RAD51B: variants seen among roughly 807,000 people sequenced by gnomAD.
The protein encoded by RAD51B is DNA repair protein RAD51 homolog 2.
A neutral mutation model predicts 42.2 loss-of-function variants in RAD51B; 38 were observed. The observed-to-expected ratio is 0.90, with a 90% CI of 0.70 to 1.18. The LOEUF (loss-of-function observed/expected upper bound fraction) is 1.18. Among genes scored for constraint, RAD51B ranks in the 50% most tolerant of loss-of-function variants. The probability of loss-of-function intolerance (pLI) is 0.00; values close to 1 mark genes in which losing one functional copy is unlikely to be tolerated. For synonymous variants in RAD51B, 154 were observed against 145.2 expected (o/e 1.06, Z -0.43); for missense variants, 373 against 400.7 (o/e 0.93, Z 0.59).
intron 10 of RAD51B, among the ~76,000 whole-genome samples, chr14:68,468,885 A>G (rs1189145548): frequency 6.6e-6 from 1 of 152,206 alleles, no homozygotes; most frequent in East Asian, 1.9e-4. Flanking sequence ...CTGATCTACA[A>G]TGGTGATTCA....
At position 68,239,426 on chromosome 14, in the gene RAD51B, A is replaced by G. The variant is rs980028319; in HGVS notation, c.757-52458A>G. Reference sequence around the variant, plus strand: ...GAGGTCACAACTGCTTTCTCATCACACGCTGATCCTCCAGAGACGGAAGCA... The same window carrying G: ...GAGGTCACAACTGCTTTCTCATCACGCGCTGATCCTCCAGAGACGGAAGCA... On this transcript the variant is annotated intron_variant, in intron 7 of 10. Transcript: ENST00000471583. Among the ~76,000 whole-genome samples the G allele has an allele frequency of 5.7e-4, 86 of 151,860 alleles. 1 individual carries two copies. The highest frequency in any genetic ancestry group is 1.9e-3 in the African/African-American group (79 of 41,394).
chr14:68,671,132 G>C (rs1893148042), intron 11 of RAD51B, among the ~76,000 whole-genome samples: 1 of 152,154 alleles, frequency 6.6e-6, no homozygotes, highest in Non-Finnish European at 1.5e-5. Flanking sequence ...AGCCAGTTTG[G>C]ACTGTCCAAG....
At chr14:67,904,510 C>CTTT (rs3043929) in intron 7 of RAD51B, among the ~76,000 whole-genome samples, 8 of 120,240 alleles carry the variant, frequency 6.7e-5, no homozygotes, top group Non-Finnish European at 1.0e-4. Context: ...GGAATGTTGA[C>CTTT]TTTTTTTTTT....
chr14:68,003,579 G>A (rs982462397), intron 7 of RAD51B, among the ~76,000 whole-genome samples: 33 of 152,198 alleles, frequency 2.2e-4, no homozygotes, highest in African/African-American at 7.7e-4. Flanking sequence ...GTGAGAGAGG[G>A]CATCCTTGTC....
intron 8 of RAD51B, among the ~76,000 whole-genome samples, chr14:68,293,052 G>C (rs2081545726): frequency 6.6e-6 from 1 of 152,006 alleles, no homozygotes; most frequent in African/African-American, 2.4e-5. Flanking sequence ...AATGTGTGTT[G>C]TGATCAGCAG....
chr14:68,448,717 C>T (rs1237528294), intron 9 of RAD51B, among the ~76,000 whole-genome samples: 1 of 152,128 alleles, frequency 6.6e-6, no homozygotes, highest in Non-Finnish European at 1.5e-5. Context: ...CTAGAATTTG[C>T]CTGCTAAACA....
intron 10 of RAD51B, among the ~76,000 whole-genome samples, chr14:68,543,595 G>A (rs2140371342): frequency 6.6e-6 from 1 of 152,256 alleles, no homozygotes; most frequent in Non-Finnish European, 1.5e-5. Flanking sequence ...GTCTTGAGTT[G>A]GAACTAGGTC....
chr14:68,227,469 A>C (rs886120998), intron 7 of RAD51B, among the ~76,000 whole-genome samples: 1 of 152,200 alleles, frequency 6.6e-6, no homozygotes, highest in African/African-American at 2.4e-5. Context: ...TATCCACCTC[A>C]GAGGGTTGTT....
intron 7 of RAD51B, among the ~76,000 whole-genome samples, chr14:68,100,229 A>G (rs932976304): frequency 6.6e-6 from 1 of 152,262 alleles, no homozygotes; most frequent in Non-Finnish European, 1.5e-5. Flanking sequence ...TTTCTTTATT[A>G]GAAAAAAGTG....
At chr14:67,893,477 C>G (rs1206626957) in intron 7 of RAD51B, among the ~76,000 whole-genome samples, 3 of 59,776 alleles carry the variant, frequency 5.0e-5, no homozygotes, top group East Asian at 3.1e-4. Context: ...GACACACACA[C>G]ACACACACAC....
rs577711334 is a variant in RAD51B, at chr14:67,838,100, T to C, written c.315+2904T>C. ...ACATAATGACCTTGAGTTCCATCCA[T>C]GTTGTTAGAGATGACAGAATCTCAT... is the stretch of plus-strand genomic sequence containing the variant. On this transcript the variant is annotated intron_variant, in intron 4 of 10. Transcript: ENST00000471583. 3.9e-5 allele frequency among the ~76,000 whole-genome samples: 6 copies of C among 152,318 alleles called. No homozygotes were observed. The East Asian group carries it at 5.8e-4, about 15-fold the overall frequency.
chr14:68,002,013 G>A (rs1006718463), intron 7 of RAD51B, among the ~76,000 whole-genome samples: 1 of 152,092 alleles, frequency 6.6e-6, no homozygotes, highest in Non-Finnish European at 1.5e-5. Context: ...TCATATGTAT[G>A]TATGTATCTT....
chr14:67,988,829 C>T (rs1198447151), intron 7 of RAD51B, among the ~76,000 whole-genome samples: 1 of 152,172 alleles, frequency 6.6e-6, no homozygotes, highest in African/African-American at 2.4e-5. Context: ...TTACTATACA[C>T]TTAGACTATT....
chr14:68,003,287 T>C (rs1257016745), intron 7 of RAD51B, among the ~76,000 whole-genome samples: 1 of 152,226 alleles, frequency 6.6e-6, no homozygotes, highest in East Asian at 1.9e-4. Flanking sequence ...GTAGCAATTG[T>C]GAATGGGAGT....
intron 11 of RAD51B, among the ~76,000 whole-genome samples, chr14:68,661,148 C>T (rs189479199): frequency 6.6e-6 from 1 of 152,146 alleles, no homozygotes; most frequent in East Asian, 1.9e-4. Flanking sequence ...ACACAAGGGC[C>T]CTTGAGGGTT....
At chr14:67,955,162 C>T (rs931587439) in intron 7 of RAD51B, among the ~76,000 whole-genome samples, 3 of 151,954 alleles carry the variant, frequency 2.0e-5, no homozygotes, top group African/African-American at 7.3e-5. Context: ...TTATTTCTTG[C>T]CTTTTTCTAG....
intron 7 of RAD51B, among the ~76,000 whole-genome samples, chr14:67,953,701 C>T (rs764251994): frequency 2.6e-5 from 4 of 151,946 alleles, no homozygotes; most frequent in Admixed American, 2.0e-4. Context: ...TAGACAGAAT[C>T]GGTAGAACTG....
chr14:68,201,500 C>G (rs2079484646), intron 7 of RAD51B, among the ~76,000 whole-genome samples: 1 of 152,170 alleles, frequency 6.6e-6, no homozygotes, highest in Non-Finnish European at 1.5e-5. Context: ...TCTGGTATCA[C>G]AAAAACTTTC....
intron 7 of RAD51B, among the ~76,000 whole-genome samples, chr14:68,162,881 G>A (rs2078672214): frequency 6.6e-6 from 1 of 152,170 alleles, no homozygotes; most frequent in Non-Finnish European, 1.5e-5. Flanking sequence ...GTACTAAAAA[G>A]CATACAGAAA....
Sources: allele counts gnomAD v4.1 joint callset (sites outside exome capture counted in the v4.1 genomes callset), GRCh38; gene constraint gnomAD v4.1.1; transcripts MANE v1.5; gene names NCBI Gene and HGNC (gene_info 2026-07-23, HGNC 2026-07-21).